The following LSM14B variants were observed in gnomAD, a reference collection of about 807,000 sequenced individuals.
LSM14B encodes protein LSM14 homolog B.
A neutral mutation model predicts 42.1 loss-of-function variants in LSM14B; 8 were observed. The observed-to-expected ratio is 0.19, with a 90% CI of 0.11 to 0.34. The LOEUF is 0.34. LSM14B is among the 10% of genes least tolerant of loss of function. The pLI, the probability that LSM14B is intolerant of heterozygous loss-of-function variation, is 1.00. For missense variants in LSM14B, 396 were observed against 513.1 expected (o/e 0.77, Z 2.21); for synonymous variants, 219 against 209.7 (o/e 1.04, Z -0.38).
In LSM14B at chr20:62,130,301, C is replaced by T; in HGVS notation, c.673+5C>T. The stretch of plus-strand genomic sequence containing the variant: ...GACCTCAGAGGAGGCGATCAGGTAA[C>T]ACCTGTTGCCACTTGATTTCTGGGG... On this transcript the variant is annotated splice_donor_5th_base_variant and intron_variant, in intron 5 of 8. Coordinates refer to ENST00000279068, the MANE Select transcript of LSM14B (RefSeq NM_144703.3). The surrounding 1 kb of genome is among the most constrained non-coding windows in gnomAD (Gnocchi z 4.1). 1 of 1,584,224 alleles carries T rather than the reference C, an allele frequency of 6.3e-7. No individual in the cohort carries two copies. Among genetic ancestry groups the T allele is most frequent in the Non-Finnish European group, 8.6e-7 (1 of 1,165,212 alleles).
intron 2 of LSM14B, among the ~76,000 whole-genome samples, chr20:62,125,688 G>A (rs953182410): frequency 6.6e-6 from 1 of 152,228 alleles, no homozygotes; most frequent in Non-Finnish European, 1.5e-5. Flanking sequence ...TCTGTGCTGA[G>A]CACCCATCCT....
chr20:62,129,763 C>T (rs753431160), intron 3 of LSM14B, 22 bp from the exon 4 acceptor site: 3 of 1,583,684 alleles, frequency 1.9e-6, no homozygotes, highest in Non-Finnish European at 2.6e-6. Flanking sequence ...GTTTTTAAAC[C>T]CTCCTCCCCT....
At position 62,133,489 on chromosome 20, in the gene LSM14B, CCTT is replaced by C; in HGVS notation, c.*14+17_*14+19del. 1.2e-6 allele frequency: 2 copies of C among 1,603,256 alleles called. No individual in the cohort carries two copies. Among genetic ancestry groups the C allele is most frequent in the South Asian group, 2.2e-5 (2 of 90,630 alleles). On this transcript the variant is annotated intron_variant, in intron 8 of 8. Coordinates refer to ENST00000279068, the MANE Select transcript of LSM14B (RefSeq NM_144703.3). ...GTGCAGCCAAAGGTGAGTGGATGAACCTTCTGGACGCTTTGGTGGGAGGGTGTA... is the reference window on the plus strand; with the variant it reads ...GTGCAGCCAAAGGTGAGTGGATGAACCTGGACGCTTTGGTGGGAGGGTGTA...
At chr20:62,128,790 TC>T (rs2056679441) in intron 3 of LSM14B, 1 of 459,346 alleles carries the variant, frequency 2.2e-6, no homozygotes. Context: ...TGAGAGCTTC[TC>T]TTGATCTGGT....
intron 3 of LSM14B, chr20:62,128,090 G>A (rs1360273514): frequency 5.3e-5 from 26 of 492,778 alleles, no homozygotes; most frequent in Admixed American, 2.4e-4. Flanking sequence ...TCTTTGATCC[G>A]TGTGGTTCAT....
chr20:62,134,275 A>G lies in LSM14B; in HGVS notation c.*127A>G. On this transcript the variant is annotated 3_prime_UTR_variant, in exon 9 of 9. Coordinates refer to ENST00000279068, the MANE Select transcript of LSM14B (RefSeq NM_144703.3). ...TTTACGGAGTTTGGAAGAGACCCAT[A>G]CTGCTACTTGTGTTTTGGACTTAAC... 1 of 471,752 alleles carries G rather than the reference A, an allele frequency of 2.1e-6. No individual in the cohort carries two copies. Among genetic ancestry groups the G allele is most frequent in the South Asian group, 1.5e-5 (1 of 64,564 alleles). The allele number at this position is 471,752 out of a possible 1,614,324, so 29.2% of individuals were successfully genotyped here.
rs768039621 is a variant in LSM14B at position 62,129,747 on chromosome 20, C to T, written c.428-38C>T. The T allele has an allele frequency of 2.7e-5, 42 of 1,554,444 alleles. No individual in the cohort carries two copies. In the Admixed American group the frequency reaches 5.4e-4, roughly 20 times the overall value. ...TGGAGATATAAGGCTTGCTTCTTTT[C>T]TCTCTGTTTTTAAACCCTCCTCCCC... On this transcript the variant is annotated intron_variant, in intron 3 of 8. Coordinates refer to ENST00000279068, the MANE Select transcript of LSM14B (RefSeq NM_144703.3).
intron 7 of LSM14B, 26 bp downstream of exon 7, chr20:62,131,532 G>A (rs766890333): frequency 1.9e-6 from 3 of 1,609,144 alleles, no homozygotes; most frequent in South Asian, 1.1e-5. Flanking sequence ...AATGAGGGGA[G>A]GACAGTCCTC....
intron 3 of LSM14B, chr20:62,127,915 C>T (rs772765605): frequency 2.9e-6 from 2 of 680,128 alleles, no homozygotes; most frequent in Admixed American, 4.1e-5. Flanking sequence ...AGTTTGTTCT[C>T]TCTCCCTGGG....
intron 3 of LSM14B, among the ~76,000 whole-genome samples, chr20:62,127,361 G>C (rs981606432): frequency 6.6e-6 from 1 of 152,192 alleles, no homozygotes; most frequent in Non-Finnish European, 1.5e-5. Flanking sequence ...CCTAAACGAG[G>C]TCTGTAGGCC....
intron 7 of LSM14B, among the ~76,000 whole-genome samples, chr20:62,132,998 G>A (rs2056810290): frequency 6.6e-6 from 1 of 152,176 alleles, no homozygotes; most frequent in Non-Finnish European, 1.5e-5. Flanking sequence ...TGTGCCCAGC[G>A]AGCAACAGCG....
intron 3 of LSM14B, among the ~76,000 whole-genome samples, 158 bp downstream of exon 3, chr20:62,126,597 G>A (rs1391199202): frequency 1.3e-5 from 2 of 152,258 alleles, no homozygotes; most frequent in Non-Finnish European, 2.9e-5. Context: ...ACTTCCGCTT[G>A]TGAGAGCATT....
At chr20:62,127,984 C>G in intron 3 of LSM14B, 1 of 620,172 alleles carries the variant, frequency 1.6e-6, no homozygotes. Context: ...TCACTGTTCA[C>G]AGAAAGTCAT....
In LSM14B at chr20:62,133,146, G is replaced by A. The variant is rs1002595797; in HGVS notation, c.987-144G>A. On this transcript the variant is annotated intron_variant, in intron 7 of 8. Coordinates refer to ENST00000279068, the MANE Select transcript of LSM14B (RefSeq NM_144703.3). ...GGAGCACCTGCAGTGCCGGAGCTGG[G>A]CTCCAGAGCTGACGGGGCCGCCCCT... is the stretch of plus-strand genomic sequence containing the variant. The A allele has an allele frequency of 1.0e-5, 10 of 955,054 alleles. No individual in the cohort carries two copies. In the African/African-American group the frequency reaches 1.7e-4, roughly 16 times the overall value. The allele number at this position is 955,054 out of a possible 1,614,324, so 59.2% of individuals were successfully genotyped here.
In LSM14B at chr20:62,126,277, G is replaced by A. The variant is rs377016524; in HGVS notation, c.292-27G>A. 12 of 1,613,862 alleles carry A rather than the reference G, an allele frequency of 7.4e-6. No homozygotes were observed. The East Asian group carries it at 8.9e-5, about 12-fold the overall frequency. Reference sequence around the variant, plus strand: ...GCGGGGTGATGGGATGGCCTTCGCCGTTCTCACCCGATGTCTCGTTGTTCA... The same window carrying A: ...GCGGGGTGATGGGATGGCCTTCGCCATTCTCACCCGATGTCTCGTTGTTCA... On this transcript the variant is annotated intron_variant, in intron 2 of 8. Coordinates refer to ENST00000279068, the MANE Select transcript of LSM14B (RefSeq NM_144703.3).
intron 1 of LSM14B, among the ~76,000 whole-genome samples, chr20:62,124,270 C>A (rs761742878): frequency 4.6e-5 from 7 of 152,274 alleles, no homozygotes; most frequent in Non-Finnish European, 8.8e-5. Flanking sequence ...GCTGTTGGAT[C>A]TACAGAGTCA....
intron 3 of LSM14B, chr20:62,129,037 G>T (rs2145619014): frequency 7.7e-7 from 1 of 1,294,388 alleles, no homozygotes; most frequent in Non-Finnish European, 1.0e-6. Flanking sequence ...AGAGAGGTGG[G>T]TGGTGCTTCC....
intron 8 of LSM14B, among the ~76,000 whole-genome samples, 158 bp downstream of exon 8, chr20:62,133,633 C>T (rs1019454562): frequency 3.0e-4 from 46 of 152,284 alleles, no homozygotes; most frequent in Admixed American, 1.4e-3. Context: ...ATGAGTCACC[C>T]GGGAGGCTCT....
intron 3 of LSM14B, among the ~76,000 whole-genome samples, chr20:62,129,224 G>A (rs1427002705): frequency 6.6e-6 from 1 of 152,204 alleles, no homozygotes; most frequent in African/African-American, 2.4e-5. Context: ...TCGGAAGTCA[G>A]CTCCTGCTTC....
Sources: allele counts gnomAD v4.1 joint callset (sites outside exome capture counted in the v4.1 genomes callset), GRCh38; gene constraint gnomAD v4.1.1; non-coding constraint Gnocchi (gnomAD v3.1); transcripts MANE v1.5; gene names NCBI Gene and HGNC (gene_info 2026-07-23, HGNC 2026-07-21).